PIERCE2: variants seen among roughly 807,000 people sequenced by gnomAD.
The protein encoded by PIERCE2 is piercer of microtubule wall 2, also known as piercer of microtubule wall 2 protein.
chr15:55,417,520 G>A, the PIERCE2 span, among the ~76,000 whole-genome samples: 18 of 152,012 alleles, frequency 1.2e-4, no homozygotes, highest in African/African-American at 4.1e-4. Context: ...GGCTAACCCT[G>A]GATGTTTATC....
the PIERCE2 span, chr15:55,418,101 C>T: frequency 6.3e-7 from 1 of 1,585,454 alleles, no homozygotes. Flanking sequence ...GCTCAGAGGC[C>T]TGACATTCAA....
At chr15:55,413,528 G>A in the PIERCE2 span, among the ~76,000 whole-genome samples, 3 of 152,058 alleles carry the variant, frequency 2.0e-5, no homozygotes, top group African/African-American at 7.2e-5. Flanking sequence ...GGAGGCCAAG[G>A]CAGGCAGATC....
chr15:55,411,013 T>G, the PIERCE2 span: 1 of 152,246 alleles, frequency 6.6e-6, no homozygotes, highest in Non-Finnish European at 1.5e-5. Flanking sequence ...TGACACTCAG[T>G]GAACCTGAGT....
the PIERCE2 span, among the ~76,000 whole-genome samples, chr15:55,413,253 G>C: frequency 6.7e-6 from 1 of 148,436 alleles, no homozygotes; most frequent in Admixed American, 6.7e-5. Context: ...GGGCAAAAGA[G>C]TGAGACTCCG....
the PIERCE2 span, chr15:55,408,821 G>T: frequency 6.7e-7 from 1 of 1,484,524 alleles, no homozygotes; most frequent in Non-Finnish European, 9.0e-7. Flanking sequence ...GTTTGGGAAT[G>T]TTGGTATTCG....
the PIERCE2 span, among the ~76,000 whole-genome samples, chr15:55,410,163 T>C: frequency 0.18 from 26,688 of 151,424 alleles, 4,171 homozygotes; most frequent in African/African-American, 0.42. Flanking sequence ...ATCCTGGAAA[T>C]CTAAAAAATT....
the PIERCE2 span, among the ~76,000 whole-genome samples, chr15:55,414,401 G>T: frequency 6.6e-6 from 1 of 151,814 alleles, no homozygotes; most frequent in Non-Finnish European, 1.5e-5. Context: ...AGTAGAGGCA[G>T]GGTTTCACCA....
the PIERCE2 span, among the ~76,000 whole-genome samples, chr15:55,416,123 G>T: frequency 6.6e-5 from 10 of 150,666 alleles, no homozygotes; most frequent in Non-Finnish European, 1.5e-4. Flanking sequence ...GAGAGAGATA[G>T]AGTCTTTTGC....
chr15:55,412,497 G>A, the PIERCE2 span, among the ~76,000 whole-genome samples: 1 of 152,208 alleles, frequency 6.6e-6, no homozygotes. Context: ...GAGAATCTAA[G>A]TGACTTGTCC....
At chr15:55,413,581 A>T in the PIERCE2 span, among the ~76,000 whole-genome samples, 4 of 151,898 alleles carry the variant, frequency 2.6e-5, no homozygotes, top group Admixed American at 6.6e-5. Flanking sequence ...CAACATGGAG[A>T]AACCCTGTCT....
the PIERCE2 span, among the ~76,000 whole-genome samples, chr15:55,413,125 G>A: frequency 3.9e-5 from 6 of 152,004 alleles, no homozygotes; most frequent in Admixed American, 1.3e-4. Context: ...AAAATTAGCC[G>A]GGCACGGTGG....
the PIERCE2 span, among the ~76,000 whole-genome samples, chr15:55,412,435 G>A: frequency 1.5e-4 from 23 of 152,180 alleles, no homozygotes; most frequent in African/African-American, 3.9e-4. Flanking sequence ...GAAGAGATCT[G>A]AGAGGTCAAA....
the PIERCE2 span, chr15:55,411,096 C>G: frequency 6.6e-6 from 1 of 152,146 alleles, no homozygotes; most frequent in Non-Finnish European, 1.5e-5. Flanking sequence ...TATGCTAATA[C>G]AAGGTCATTA....
At chr15:55,411,819 T>A in the PIERCE2 span, among the ~76,000 whole-genome samples, 1 of 151,602 alleles carries the variant, frequency 6.6e-6, no homozygotes, top group Admixed American at 6.6e-5. Context: ...TACTCGGGAG[T>A]CTGAGGCAGG....
chr15:55,411,047 C>A, the PIERCE2 span: 1 of 152,192 alleles, frequency 6.6e-6, no homozygotes, highest in Non-Finnish European at 1.5e-5. Flanking sequence ...TTGCCAACTA[C>A]AAACTTATGA....
chr15:55,413,241 C>A, the PIERCE2 span, among the ~76,000 whole-genome samples: 1 of 149,990 alleles, frequency 6.7e-6, no homozygotes, highest in Non-Finnish European at 1.5e-5. Context: ...GCACTCCGGC[C>A]TGGGCAAAAG....
At chr15:55,415,079 T>G in the PIERCE2 span, among the ~76,000 whole-genome samples, 1 of 152,182 alleles carries the variant, frequency 6.6e-6, no homozygotes, top group Admixed American at 6.6e-5. Flanking sequence ...CAGAAGAAAC[T>G]TAACTATTTA....
chr15:55,417,159 A>G, the PIERCE2 span, among the ~76,000 whole-genome samples: 1 of 152,118 alleles, frequency 6.6e-6, no homozygotes. Context: ...ACCCTTCAAT[A>G]GTTTTTCATT....
the PIERCE2 span, among the ~76,000 whole-genome samples, chr15:55,412,093 CAAAAAAA>C: frequency 1.2e-3 from 98 of 82,076 alleles, 2 homozygotes; most frequent in Middle Eastern, 0.019. Flanking sequence ...TTTGTCTCCA[CAAAAAAA>C]AAAAAAAAAA....
Sources: allele counts gnomAD v4.1 joint callset (sites outside exome capture counted in the v4.1 genomes callset), GRCh38; gene constraint gnomAD v4.1.1; transcripts MANE v1.5; gene names NCBI Gene and HGNC (gene_info 2026-07-23, HGNC 2026-07-21).